The following RTBDN variants were observed in gnomAD, a reference collection of about 807,000 sequenced individuals.
RTBDN encodes the protein retbindin.
Under a neutral mutation model 21.9 loss-of-function variants are expected in RTBDN, and 24 were observed. The observed-to-expected ratio is 1.10, with a 90% CI of 0.79 to 1.54. RTBDN has a LOEUF of 1.54. Ranked by LOEUF, RTBDN falls within the 40% of genes most tolerant of loss-of-function variation. RTBDN has a pLI of 0.00. For synonymous variants in RTBDN, 141 were observed against 125.9 expected (o/e 1.12, Z -0.80); for missense variants, 325 against 315.2 (o/e 1.03, Z -0.23).
chr19:12,831,016 TTGTGTG>T (rs56204944), intron 1 of RTBDN, among the ~76,000 whole-genome samples: 11,147 of 132,370 alleles, frequency 0.084, 497 homozygotes, highest in African/African-American at 0.12. Flanking sequence ...GGTGGAGTGG[TTGTGTG>T]TGTGTGTGTG....
At chr19:12,825,967 G>T (rs1969279600) in intron 5 of RTBDN, 34 bp from the exon 6 acceptor site, 1 of 1,531,760 alleles carries the variant, frequency 6.5e-7, no homozygotes, top group African/African-American at 1.4e-5. Context: ...CCTAGTGGGC[G>T]GAGTCCAGAG....
rs757518687 is a variant in RTBDN, at chr19:12,829,990, G to A, written c.-11C>T. 1 of 1,603,432 alleles carries A rather than the reference G, an allele frequency of 6.2e-7. No individual in the cohort carries two copies. The highest frequency in any genetic ancestry group is 8.5e-7 in the Non-Finnish European group (1 of 1,171,308). ...GACCCTGCAGTCCATGTCCACCTGA[G>A]ATAAGAGCTGGCAGGCATAGGGTGG... On this transcript the variant is annotated 5_prime_UTR_variant, in exon 2 of 6. Transcript: ENST00000674343.
At position 12,826,961 on chromosome 19, in the gene RTBDN, C is replaced by T. The variant is rs751394100; in HGVS notation, c.366-90G>A. ...CTTCTAGACTGTGTTCACTATATGC[C>T]CCCACCTCGGATCCAGGCCCCGCCT... On this transcript the variant is annotated intron_variant, in intron 4 of 5. Transcript: ENST00000674343. 3 of 886,844 alleles carry T rather than the reference C, an allele frequency of 3.4e-6. No individual in the cohort carries two copies. In the East Asian group the frequency reaches 8.0e-5, roughly 24 times the overall value. The allele number at this position is 886,844 out of a possible 1,614,324, so 54.9% of individuals were successfully genotyped here. A position where few individuals can be genotyped will look rare whatever the true frequency, so the allele number is the denominator to read the frequency against.
Position 12,830,178 on chromosome 19 carries a change from G to A in RTBDN, c.-18-181C>T. ...ACCATCAGGGCCTGCCTCCAACCTA[G>A]GAGCCCCCCTCCCATCAGAACCATG... On this transcript the variant is annotated intron_variant, in intron 1 of 5. Transcript: ENST00000674343. This position sits in a 1 kb window ranked among gnomAD's most constrained non-coding sequence, Gnocchi z 4.2. 1 of 1,320,880 alleles carries A rather than the reference G, an allele frequency of 7.6e-7. No individual in the cohort carries two copies. The allele number at this position is 1,320,880 out of a possible 1,614,324, so 81.8% of individuals were successfully genotyped here.
intron 1 of RTBDN, among the ~76,000 whole-genome samples, chr19:12,833,277 G>A (rs906983800): frequency 4.6e-5 from 7 of 152,170 alleles, no homozygotes; most frequent in Admixed American, 6.5e-5. Flanking sequence ...TCCTGGGGCT[G>A]TAGAGGTCTC....
intron 2 of RTBDN, 160 bp from the exon 3 acceptor site, chr19:12,829,113 G>T: frequency 1.7e-6 from 2 of 1,174,292 alleles, no homozygotes; most frequent in Non-Finnish European, 1.2e-6. Context: ...GCAGCTTCAA[G>T]TAGTAATAAT....
rs1458859655 is a variant in RTBDN at position 12,830,252 on chromosome 19, G to T, written c.-18-255C>A. On this transcript the variant is annotated intron_variant, in intron 1 of 5. Transcript: ENST00000674343. This position sits in a 1 kb window ranked among gnomAD's most constrained non-coding sequence, Gnocchi z 4.2. The stretch of plus-strand genomic sequence containing the variant: ...CCCCAACCAAGCTTAGACCACAGTG[G>T]CCCTCCTCCCATCCAGCAGGATCTC... The T allele has an allele frequency of 2.4e-6, 3 of 1,228,568 alleles. No homozygotes were observed. The highest frequency in any genetic ancestry group is 3.1e-6 in the Non-Finnish European group (3 of 981,146). The allele number at this position is 1,228,568 out of a possible 1,614,324, so 76.1% of individuals were successfully genotyped here.
chr19:12,832,334 G>A (rs192007174), intron 1 of RTBDN, among the ~76,000 whole-genome samples: 1 of 152,264 alleles, frequency 6.6e-6, no homozygotes, highest in East Asian at 1.9e-4. Context: ...GAACAAATCA[G>A]TAGATACCGT....
Position 12,829,854 on chromosome 19 carries a change from A to C in RTBDN, c.126T>G (p.His42Gln). The stretch of plus-strand genomic sequence containing the variant: ...CTTTGCCCAGATCAGCTGCCAGCCC[A>C]TGGTGTTGCTGGGACCTGGCTTGGA... Reference protein sequence around the residue: ...RPLQARSQQHHGLAADLGKGK... With the variant: ...RPLQARSQQHQGLAADLGKGK... The change falls in exon 2 of 6, where the codon CAT becomes CAG. Residue 42 changes from histidine to glutamine, a missense_variant. His to Gln is a conservative substitution (Grantham distance 24). Coordinates refer to ENST00000674343, the MANE Select transcript of RTBDN (RefSeq NM_001270441.2). 6.2e-7 allele frequency: 1 copy of C among 1,614,014 alleles called. No individual in the cohort carries two copies. Among genetic ancestry groups the C allele is most frequent in the Non-Finnish European group, 8.5e-7 (1 of 1,179,874 alleles).
At chr19:12,831,193 T>G (rs1424403477) in intron 1 of RTBDN, among the ~76,000 whole-genome samples, 1 of 152,106 alleles carries the variant, frequency 6.6e-6, no homozygotes, top group Non-Finnish European at 1.5e-5. Context: ...TGGAAGTCAG[T>G]GGATAAAGGT....
At chr19:12,826,952 A>G (rs1969331135) in intron 4 of RTBDN, 81 bp from the exon 5 acceptor site, 2 of 968,212 alleles carry the variant, frequency 2.1e-6, no homozygotes, top group Admixed American at 2.0e-5. Flanking sequence ...GACTGTGTTC[A>G]CTATATGCCC....
In RTBDN at chr19:12,825,916, C is replaced by T. The variant is rs1345557618; in HGVS notation, c.480G>A (p.Thr160=). 1.3e-6 allele frequency: 2 copies of T among 1,595,650 alleles called. No homozygotes were observed. The highest frequency in any genetic ancestry group is 1.3e-5 in the African/African-American group (1 of 74,546). ...GGCCCAGAGCCGAGCGACAAAGGTC[C>T]GTCCCGTCTGCGAAGGTCTAGGAAA... The part of the protein sequence containing the change: ...LTYGQTFADG[T]DLCRSALGHA... Residue 160 remains threonine, a synonymous_variant, in exon 6 of 6, where the codon ACG becomes ACA. Transcript: ENST00000674343.
At position 12,830,558 on chromosome 19, in the gene RTBDN, G is replaced by A. The variant is rs1211856478; in HGVS notation, c.-18-561C>T. 1.8e-5 allele frequency: 18 copies of A among 983,700 alleles called. No homozygotes were observed. Among genetic ancestry groups the A allele is most frequent in the South Asian group, 9.4e-5 (2 of 21,260 alleles). 60.9% of individuals were successfully genotyped at this position (983,700 alleles called of 1,614,324 possible). ...AAGCCCCGAGGCAGGGACAGCTAGC[G>A]GTCTGTGGAGACAAGACTGTCCCCT... On this transcript the variant is annotated intron_variant, in intron 1 of 5. Transcript: ENST00000674343. This position sits in a 1 kb window ranked among gnomAD's most constrained non-coding sequence, Gnocchi z 4.2.
chr19:12,828,997 G>A (rs1230203319), intron 2 of RTBDN, 44 bp from the exon 3 acceptor site: 1 of 1,612,172 alleles, frequency 6.2e-7, no homozygotes, highest in Admixed American at 1.7e-5. Flanking sequence ...GGATATTCAG[G>A]TAAGGTTTGG....
intron 4 of RTBDN, among the ~76,000 whole-genome samples, chr19:12,827,836 G>A (rs1341243217): frequency 1.3e-5 from 2 of 152,014 alleles, no homozygotes; most frequent in Non-Finnish European, 2.9e-5. Flanking sequence ...GCTCACCCCT[G>A]TAATCCCAGC....
chr19:12,832,063 G>T (rs369278420), intron 1 of RTBDN, among the ~76,000 whole-genome samples: 5 of 152,172 alleles, frequency 3.3e-5, no homozygotes, highest in African/African-American at 9.7e-5. Flanking sequence ...GGATGTTTGC[G>T]TGTGTCTGCA....
upstream of RTBDN, chr19:12,834,919 G>T (rs1230671234): frequency 1.6e-5 from 25 of 1,574,498 alleles, no homozygotes; most frequent in Non-Finnish European, 2.1e-5. The surrounding 1 kb of genome is among the most constrained non-coding windows in gnomAD (Gnocchi z 4.7). Context: ...GGAAGGTGAT[G>T]ATATCTGTGC....
At position 12,828,645 on chromosome 19, in the gene RTBDN, C is replaced by A. The variant is rs774000081; in HGVS notation, c.365+12G>T. On this transcript the variant is annotated intron_variant, in intron 4 of 5. Coordinates refer to ENST00000674343, the MANE Select transcript of RTBDN (RefSeq NM_001270441.2). ...AGTCACAACCCACGCCCCTTGCCCCCGCGTCTCCTACCAGGCCTGGCAGAG... is the reference window on the plus strand; with the variant it reads ...AGTCACAACCCACGCCCCTTGCCCCAGCGTCTCCTACCAGGCCTGGCAGAG... The A allele has an allele frequency of 6.2e-7, 1 of 1,601,582 alleles. No individual in the cohort carries two copies. Among genetic ancestry groups the A allele is most frequent in the Non-Finnish European group, 8.5e-7 (1 of 1,171,930 alleles).
intron 1 of RTBDN, among the ~76,000 whole-genome samples, chr19:12,833,548 G>A (rs1969650774): frequency 6.6e-6 from 1 of 152,112 alleles, no homozygotes; most frequent in South Asian, 2.1e-4. Context: ...TCTCACCAAG[G>A]GGGTCTCTGG....
Sources: allele counts gnomAD v4.1 joint callset (sites outside exome capture counted in the v4.1 genomes callset), GRCh38; gene constraint gnomAD v4.1.1; non-coding constraint Gnocchi (gnomAD v3.1); transcripts MANE v1.5; gene names NCBI Gene and HGNC (gene_info 2026-07-23, HGNC 2026-07-21).